Variants in NGEF observed in about 807,000 individuals in gnomAD.
NGEF encodes the protein ephexin-1.
NGEF carries 31 observed loss-of-function variants against 80.9 expected under a neutral mutation model. That is an observed-to-expected ratio of 0.38 (90% CI 0.29 to 0.52). The LOEUF (loss-of-function observed/expected upper bound fraction) is 0.52, where lower values mean the gene tolerates loss of function less well. Ranked by LOEUF, NGEF falls within the 20% of genes least tolerant of loss-of-function variation. The pLI, the probability that NGEF is intolerant of heterozygous loss-of-function variation, is 0.84. For synonymous variants in NGEF, 371 were observed against 370.2 expected, an observed-to-expected ratio of 1.00 and a Z score of -0.03; for missense variants, 709 against 926.2, an observed-to-expected ratio of 0.77 and a Z score of 3.04.
chr2:232,917,621 C>T (rs1692836501), intron 5 of NGEF, among the ~76,000 whole-genome samples: 1 of 151,908 alleles, frequency 6.6e-6, no homozygotes, highest in Admixed American at 6.6e-5. Context: ...AGGGACCCGC[C>T]ACCACGCCTG....
chr2:232,996,416 T>C (rs1266667799), intron 1 of NGEF, among the ~76,000 whole-genome samples: 1 of 152,150 alleles, frequency 6.6e-6, no homozygotes, highest in African/African-American at 2.4e-5. Flanking sequence ...CTGCAGGGAT[T>C]TCTACCGAGG....
intron 3 of NGEF, among the ~76,000 whole-genome samples, chr2:232,948,057 C>T (rs113593461): frequency 0.022 from 3,388 of 151,736 alleles, 63 homozygotes; most frequent in Non-Finnish European, 0.036. Flanking sequence ...GCCCAAGTGG[C>T]ATGATTAAAT....
chr2:232,961,069 G>C (rs1196593349), intron 3 of NGEF, among the ~76,000 whole-genome samples: 3 of 152,142 alleles, frequency 2.0e-5, no homozygotes, highest in African/African-American at 7.2e-5. Flanking sequence ...AAGAGGACTT[G>C]CAAAGCAGCC....
At chr2:232,980,259 A>C (rs1694385708) in intron 1 of NGEF, among the ~76,000 whole-genome samples, 1 of 152,204 alleles carries the variant, frequency 6.6e-6, no homozygotes, top group African/African-American at 2.4e-5. Flanking sequence ...CTGGGAGGTC[A>C]GGACACAAGG....
At chr2:232,993,584 C>T (rs1694717252) in intron 1 of NGEF, among the ~76,000 whole-genome samples, 1 of 152,100 alleles carries the variant, frequency 6.6e-6, no homozygotes, top group South Asian at 2.1e-4. Flanking sequence ...TCCCAAGAGA[C>T]ATGAAAACAT....
intron 3 of NGEF, among the ~76,000 whole-genome samples, chr2:232,968,607 T>C (rs932651242): frequency 3.9e-5 from 6 of 152,038 alleles, no homozygotes; most frequent in East Asian, 1.9e-4. Context: ...GGTTTCACCA[T>C]GTTGGATAGG....
rs1306261810 is a variant in NGEF, at chr2:232,905,412, T to C, written c.829-10496A>G. Among the ~76,000 whole-genome samples, 9 of 152,178 alleles carry C rather than the reference T, an allele frequency of 5.9e-5. No individual in the cohort carries two copies. The East Asian group carries it at 1.7e-3, about 29-fold the overall frequency. ...GTCTCGTTAACTCAGTGCTCAATGG[T>C]GCCCAGGCTGGAGTGCAGTGGCGTG... On this transcript the variant is annotated intron_variant, in intron 5 of 14. Transcript: ENST00000264051.
At chr2:232,926,633 C>T (rs1693073680) in intron 4 of NGEF, among the ~76,000 whole-genome samples, 1 of 152,196 alleles carries the variant, frequency 6.6e-6, no homozygotes, top group Non-Finnish European at 1.5e-5. Flanking sequence ...GCCTCCTCCT[C>T]TAGCCCAACT....
chr2:232,930,118 G>A (rs6713658), intron 3 of NGEF, among the ~76,000 whole-genome samples: 19,342 of 152,078 alleles, frequency 0.13, 1,291 homozygotes, highest in East Asian at 0.17. Context: ...AGCCGCGTGA[G>A]AGCGGAGTAA....
At chr2:232,889,318 T>C (rs1345035128) in intron 8 of NGEF, among the ~76,000 whole-genome samples, 1 of 152,280 alleles carries the variant, frequency 6.6e-6, no homozygotes, top group East Asian at 1.9e-4. Flanking sequence ...GCCTGGCACG[T>C]GCTCTCCCAC....
chr2:232,915,969 G>A (rs1692793684), intron 5 of NGEF, among the ~76,000 whole-genome samples: 1 of 152,206 alleles, frequency 6.6e-6, no homozygotes, highest in Non-Finnish European at 1.5e-5. Flanking sequence ...AGGATTACAG[G>A]CAAGAGCCTC....
chr2:232,935,584 C>T (rs1693312027), intron 3 of NGEF, among the ~76,000 whole-genome samples: 2 of 152,206 alleles, frequency 1.3e-5, no homozygotes, highest in East Asian at 3.9e-4. Flanking sequence ...CACCACCACA[C>T]TCCAGCCTGG....
intron 1 of NGEF, among the ~76,000 whole-genome samples, chr2:233,004,565 T>C (rs558020731): frequency 8.5e-5 from 13 of 152,106 alleles, no homozygotes; most frequent in Admixed American, 1.3e-4. Flanking sequence ...AAAGATGAGG[T>C]AACTGCTGGG....
At chr2:232,938,771 A>G (rs1693382661) in intron 3 of NGEF, among the ~76,000 whole-genome samples, 2 of 151,234 alleles carry the variant, frequency 1.3e-5, no homozygotes, top group Admixed American at 6.6e-5. Context: ...AAATAAATAC[A>G]GTAATTTCCT....
chr2:232,898,647 C>T (rs1382848676), intron 5 of NGEF, among the ~76,000 whole-genome samples: 1 of 152,248 alleles, frequency 6.6e-6, no homozygotes, highest in Non-Finnish European at 1.5e-5. Context: ...GATCCAGGCT[C>T]TGCTCGCTCT....
chr2:232,928,861 G>A (rs1693156852), intron 3 of NGEF, among the ~76,000 whole-genome samples: 1 of 152,198 alleles, frequency 6.6e-6, no homozygotes, highest in African/African-American at 2.4e-5. Context: ...CTGCGCCTTC[G>A]CGTTAGCTGG....
intron 2 of NGEF, among the ~76,000 whole-genome samples, chr2:232,970,747 G>A (rs868576999): frequency 6.6e-6 from 1 of 151,906 alleles, no homozygotes; most frequent in Non-Finnish European, 1.5e-5. Context: ...CCTGGCAGGC[G>A]GAGGTTGCAG....
intron 3 of NGEF, among the ~76,000 whole-genome samples, chr2:232,963,746 A>G (rs6754770): frequency 0.79 from 120,669 of 151,952 alleles, 48,508 homozygotes; most frequent in African/African-American, 0.92. Context: ...CCTGGGAGGC[A>G]AGGTTGCAGT....
Position 233,011,574 on chromosome 2 carries a change from T to G in NGEF, c.-75+1494A>C, listed in dbSNP as rs6721555. The stretch of plus-strand genomic sequence containing the variant: ...CCGGTCTCCCACAGGCCAAGGGAAG[T>G]TCTTAAAGCAATGAAAAAAAAAAAA... On this transcript the variant is annotated intron_variant, in intron 1 of 14. Coordinates refer to ENST00000264051, the MANE Select transcript of NGEF (RefSeq NM_019850.3). 1.3e-3 allele frequency among the ~76,000 whole-genome samples: 182 copies of G among 137,344 alleles called. 1 individual carries two copies. Among genetic ancestry groups the G allele is most frequent in the African/African-American group, 5.0e-3 (177 of 35,746 alleles). 90.1% of individuals were successfully genotyped at this position (137,344 alleles called of 152,430 possible). A position where few individuals can be genotyped will look rare whatever the true frequency, so the allele number is the denominator to read the frequency against.
Sources: allele counts gnomAD v4.1 joint callset (sites outside exome capture counted in the v4.1 genomes callset), GRCh38; gene constraint gnomAD v4.1.1; transcripts MANE v1.5; gene names NCBI Gene and HGNC (gene_info 2026-07-23, HGNC 2026-07-21).